DNAH9: variants seen among roughly 807,000 people sequenced by gnomAD.
DNAH9 encodes the protein dynein axonemal heavy chain 9.
A neutral mutation model predicts 471.6 loss-of-function variants in DNAH9; 345 were observed. The ratio of observed to expected loss-of-function variants is 0.73; its 90% CI spans 0.67 to 0.80. The LOEUF is 0.80. Ranked by LOEUF, DNAH9 falls within the 30% of genes least tolerant of loss-of-function variation. The probability of loss-of-function intolerance (pLI) is 0.00; values close to 1 mark genes in which losing one functional copy is unlikely to be tolerated. For synonymous variants in DNAH9, 2,093 were observed against 2,123.6 expected, an observed-to-expected ratio of 0.99 and a Z score of 0.40; for missense variants, 5,407 against 5,609.2, an observed-to-expected ratio of 0.96 and a Z score of 1.15.
intron 53 of DNAH9, 85 bp downstream of exon 53, chr17:11,875,269 A>G: frequency 9.1e-7 from 1 of 1,094,772 alleles, no homozygotes; most frequent in South Asian, 1.5e-5. Flanking sequence ...AGCCCAGTGA[A>G]TGGTTTGTAC....
intron 48 of DNAH9, among the ~76,000 whole-genome samples, chr17:11,823,935 A>AAAAAAAAGAAAG (rs926558565): frequency 3.3e-5 from 5 of 151,924 alleles, no homozygotes; most frequent in Admixed American, 3.3e-4. Flanking sequence ...ATCTCAAAAA[A>AAAAAAAAGAAAG]AAAAAAAGAA....
chr17:11,866,869 C>G (rs914578173), intron 50 of DNAH9, among the ~76,000 whole-genome samples: 1 of 152,314 alleles, frequency 6.6e-6, no homozygotes, highest in Admixed American at 6.5e-5. Flanking sequence ...TTAAGGCCAT[C>G]GGAAAAGGGC....
intron 33 of DNAH9, among the ~76,000 whole-genome samples, chr17:11,754,155 A>T (rs1339829894): frequency 2.7e-5 from 4 of 150,846 alleles, no homozygotes; most frequent in African/African-American, 7.3e-5. Context: ...ACAAAACATG[A>T]TCTCATTATT....
chr17:11,805,295 A>G lies in DNAH9; in HGVS notation c.8421-2437A>G, dbSNP rs370103194. Among the ~76,000 whole-genome samples, 55 of 152,232 alleles carry G rather than the reference A, an allele frequency of 3.6e-4. 1 individual carries two copies. In the South Asian group the frequency reaches 0.011, roughly 29 times the overall value. ...CTCAACACAAGCTCTGTAACTTTAT[A>G]TACACTCACATGTTGTTCATGCGTT... On this transcript the variant is annotated intron_variant, in intron 43 of 68. Transcript: ENST00000262442.
chr17:11,731,621 T>C (rs2075272460), intron 28 of DNAH9, among the ~76,000 whole-genome samples: 2 of 144,360 alleles, frequency 1.4e-5, no homozygotes, highest in Admixed American at 7.4e-5. Flanking sequence ...CTTTGTTCAA[T>C]TCCCACCTAT....
chr17:11,780,979 C>A lies in DNAH9; in HGVS notation c.7553-30C>A. ...GTACTGGCATCTGAGATTTGAGCCG[C>A]CTTCCCTCACCGACTGGCTCTCTCC... On this transcript the variant is annotated intron_variant, in intron 38 of 68. Coordinates refer to ENST00000262442, the MANE Select transcript of DNAH9 (RefSeq NM_001372.4). The A allele has an allele frequency of 1.9e-6, 3 of 1,606,106 alleles. No individual in the cohort carries two copies. The South Asian group carries it at 3.3e-5, about 18-fold the overall frequency.
intron 43 of DNAH9, among the ~76,000 whole-genome samples, chr17:11,798,987 T>A (rs1469574701): frequency 6.6e-6 from 1 of 152,198 alleles, no homozygotes; most frequent in Non-Finnish European, 1.5e-5. Flanking sequence ...TGTTATCTGC[T>A]GACAGTCAAT....
chr17:11,822,594 A>C lies in DNAH9; in HGVS notation c.9007A>C (p.Ile3003Leu). 5.0e-6 allele frequency: 8 copies of C among 1,614,104 alleles called. No individual in the cohort carries two copies. Among genetic ancestry groups the C allele is most frequent in the Non-Finnish European group, 6.8e-6 (8 of 1,179,994 alleles). ...SLRFLQNTEG[I>L]EPTVKQSISK... is the part of the protein sequence containing the mutation. ...CCGCTTCTTGCAGAACACAGAGGGC[A>C]TTGAGGTGAGAGAGAAAAGGAGACA... The change falls in exon 47 of 69, where the codon ATT (isoleucine) becomes CTT (leucine). Residue 3003 changes from isoleucine to leucine, a missense_variant. Around this residue, in one of 3 missense-constraint regions of DNAH9, gnomAD observed 4,636 missense variants for 4,900.3 expected, o/e 0.95. Transcript: ENST00000262442.
chr17:11,784,109 C>T (rs1968769379), intron 40 of DNAH9, among the ~76,000 whole-genome samples, 191 bp from the exon 41 acceptor site: 1 of 152,158 alleles, frequency 6.6e-6, no homozygotes, highest in South Asian at 2.1e-4. Context: ...CCATCTTTAA[C>T]TGAAGGTGCT....
chr17:11,947,191 C>G (rs1975159079), intron 67 of DNAH9, among the ~76,000 whole-genome samples: 1 of 152,202 alleles, frequency 6.6e-6, no homozygotes, highest in Non-Finnish European at 1.5e-5. Context: ...GATGAGGAAC[C>G]AGGTCCTGTG....
chr17:11,641,002 G>A (rs1052327267), intron 10 of DNAH9, among the ~76,000 whole-genome samples: 4 of 152,104 alleles, frequency 2.6e-5, no homozygotes, highest in African/African-American at 4.8e-5. Flanking sequence ...TGTTTAAGAC[G>A]CTGGCTGAGG....
intron 36 of DNAH9, among the ~76,000 whole-genome samples, chr17:11,767,727 AAGATGGTTTGAGTAC>A (rs1228037033): frequency 6.6e-6 from 1 of 152,072 alleles, no homozygotes; most frequent in Non-Finnish European, 1.5e-5. Flanking sequence ...TGGACACAAT[AAGATGGTTTGAGTAC>A]ACTGGGTATA....
At chr17:11,882,514 G>T (rs776716148) in intron 55 of DNAH9, among the ~76,000 whole-genome samples, 1 of 152,076 alleles carries the variant, frequency 6.6e-6, no homozygotes, top group African/African-American at 2.4e-5. Flanking sequence ...CTGGGACTCC[G>T]CTTCCTGCAA....
At chr17:11,698,613 C>T (rs2150768961) in intron 22 of DNAH9, among the ~76,000 whole-genome samples, 1 of 152,082 alleles carries the variant, frequency 6.6e-6, no homozygotes, top group East Asian at 1.9e-4. Context: ...CCTCTCATCT[C>T]ATAAGCTGGA....
intron 49 of DNAH9, among the ~76,000 whole-genome samples, chr17:11,842,446 A>G (rs1157447177): frequency 6.6e-6 from 1 of 152,254 alleles, no homozygotes. Flanking sequence ...AGTGGAGTTT[A>G]TTAAGGAGTA....
intron 48 of DNAH9, among the ~76,000 whole-genome samples, chr17:11,829,073 C>A (rs1261666008): frequency 6.6e-6 from 1 of 152,158 alleles, no homozygotes; most frequent in Non-Finnish European, 1.5e-5. Flanking sequence ...CTCGGCAATA[C>A]TGTGCACATG....
In DNAH9 at chr17:11,797,717, G is replaced by T; in HGVS notation, c.8344G>T (p.Val2782Leu). 1 of 1,614,226 alleles carries T rather than the reference G, an allele frequency of 6.2e-7. No homozygotes were observed. Among genetic ancestry groups the T allele is most frequent in the Non-Finnish European group, 8.5e-7 (1 of 1,180,028 alleles). ...QSWELLTQTLVEALENHNEVN... is the reference protein window; with the variant it reads ...QSWELLTQTLLEALENHNEVN... Reference sequence around the variant, plus strand: ...TTGGGAACTTTTGACCCAGACTCTGGTGGAGGCCTTGGAGAACCACAATGA... The same window carrying T: ...TTGGGAACTTTTGACCCAGACTCTGTTGGAGGCCTTGGAGAACCACAATGA... The change falls in exon 43 of 69, where the codon GTG becomes TTG. Residue 2782 changes from valine (V) to leucine (L), a missense_variant. By Grantham distance (32) the Val-to-Leu change is conservative. This residue lies in a region of DNAH9 where 4,636 missense variants were observed against 4,900.3 expected (regional missense o/e 0.95). Transcript: ENST00000262442.
chr17:11,932,560 G>T lies in DNAH9; in HGVS notation c.12297+355G>T, dbSNP rs961587985. On this transcript the variant is annotated intron_variant, in intron 64 of 68. Coordinates refer to ENST00000262442, the MANE Select transcript of DNAH9 (RefSeq NM_001372.4). The surrounding 1 kb of genome is among the most constrained non-coding windows in gnomAD (Gnocchi z 4.3). Reference sequence around the variant, plus strand: ...CAGCGCATTTTAACGAGATTCTCTGGTAATTCGTATGCACGTTAAGGAGGG... The same window carrying T: ...CAGCGCATTTTAACGAGATTCTCTGTTAATTCGTATGCACGTTAAGGAGGG... Among the ~76,000 whole-genome samples the T allele has an allele frequency of 2.0e-5, 3 of 152,336 alleles. No homozygotes were observed. The East Asian group carries it at 5.8e-4, about 29-fold the overall frequency.
intron 35 of DNAH9, 115 bp from the exon 36 acceptor site, chr17:11,763,325 A>G: frequency 2.2e-6 from 2 of 897,040 alleles, no homozygotes; most frequent in South Asian, 3.3e-5. Context: ...TGTAATCCCA[A>G]AGAACTTGAC....
Sources: gnomAD v4.1 joint callset for allele counts (sites outside exome capture counted in the v4.1 genomes callset) on GRCh38, gnomAD v4.1.1 for gene constraint, gnomAD v4.1.1 regional missense constraint, Gnocchi (gnomAD v3.1) non-coding constraint, MANE v1.5 for transcripts, NCBI Gene and HGNC (gene_info 2026-07-23, HGNC 2026-07-21) for gene names.